RBIS: variants seen among roughly 807,000 people sequenced by gnomAD.
RBIS encodes the protein ribosomal biogenesis factor, also known as ribosome biogenesis factor identified in screen.
In RBIS, 9 loss-of-function variants were observed where a neutral mutation model predicts 9.8. The observed-to-expected ratio is 0.92, with a 90% CI of 0.56 to 1.61. RBIS has a LOEUF of 1.61. Among genes scored for constraint, RBIS ranks in the 40% most tolerant of loss-of-function variants. RBIS has a pLI of 0.00. For synonymous variants in RBIS, 35 were observed against 37.9 expected (o/e 0.92, Z 0.28); for missense variants, 103 against 116.0 (o/e 0.89, Z 0.51).
In RBIS at chr8:85,217,508, A is replaced by G; in HGVS notation, c.-3-6T>C. 2 of 1,553,230 alleles carry G rather than the reference A, an allele frequency of 1.3e-6. No individual in the cohort carries two copies. Among genetic ancestry groups the G allele is most frequent in the Non-Finnish European group, 1.8e-6 (2 of 1,128,278 alleles). On this transcript the variant is annotated splice_polypyrimidine_tract_variant and splice_region_variant and intron_variant, in intron 1 of 3. Coordinates refer to ENST00000619594, the MANE Select transcript of RBIS (RefSeq NM_001099673.3). ...AATTTGTTCTTGGCCATTGTCTAGA[A>G]AAGAAAATAAATTCAATTAAATTGC...
Position 85,214,952 on chromosome 8 carries a change from C to CT in RBIS, c.199dup (p.Ser67LysfsTer5). ...TTTCTGCAGAGGTTCAAGTGAAATG[C>CT]TTTTTGCGAAATGTGCAAGTTCCTT... On this transcript the variant is annotated frameshift_variant, in exon 3 of 4. Coordinates refer to ENST00000619594, the MANE Select transcript of RBIS (RefSeq NM_001099673.3). LOFTEE classifies it high-confidence loss of function. The CT allele has an allele frequency of 6.3e-7, 1 of 1,592,334 alleles. No homozygotes were observed. The highest frequency in any genetic ancestry group is 1.2e-5 in the South Asian group (1 of 86,462).
chr8:85,216,604 G>C (rs950862919), intron 2 of RBIS, among the ~76,000 whole-genome samples: 1 of 152,058 alleles, frequency 6.6e-6, no homozygotes, highest in Non-Finnish European at 1.5e-5. Context: ...TCTAGTCTTG[G>C]TTTCAATGTG....
At chr8:85,217,225 CTTTT>C (rs557468768) in intron 2 of RBIS, 157 bp downstream of exon 2, 191 of 654,884 alleles carry the variant, frequency 2.9e-4, no homozygotes, top group Non-Finnish European at 4.7e-4. Flanking sequence ...ATTTTTCTTC[CTTTT>C]TTTTTATATT....
At chr8:85,217,574 G>A in intron 1 of RBIS, 72 bp from the exon 2 acceptor site, 1 of 945,880 alleles carries the variant, frequency 1.1e-6, no homozygotes, top group Non-Finnish European at 1.7e-6. Flanking sequence ...GTTTTTAAAG[G>A]TACCAATTAA....
At position 85,214,265 on chromosome 8, in the gene RBIS, C is replaced by T. The variant is rs977570772; in HGVS notation, c.*295G>A. 3.6e-6 allele frequency: 2 copies of T among 562,558 alleles called. No homozygotes were observed. Among genetic ancestry groups the T allele is most frequent in the Non-Finnish European group, 6.6e-6 (2 of 302,442 alleles). The allele number at this position is 562,558 out of a possible 1,614,324, so 34.8% of individuals were successfully genotyped here. ...CTAAACTGCCTGTATTTCTGTATGT[C>T]CTTCTATCCAAACAGACGTTCACTG... On this transcript the variant is annotated 3_prime_UTR_variant, in exon 4 of 4. Coordinates refer to ENST00000619594, the MANE Select transcript of RBIS (RefSeq NM_001099673.3).
chr8:85,217,577 C>T, intron 1 of RBIS, 75 bp from the exon 2 acceptor site: 1 of 890,382 alleles, frequency 1.1e-6, no homozygotes, highest in South Asian at 1.5e-5. Flanking sequence ...TTTAAAGGTA[C>T]CAATTAAATC....
intron 3 of RBIS, 49 bp from the exon 4 acceptor site, chr8:85,214,680 C>T (rs1246785124): frequency 3.5e-6 from 4 of 1,134,308 alleles, no homozygotes; most frequent in South Asian, 2.5e-5. Flanking sequence ...CAATAGCAGA[C>T]AAATGACTTA....
chr8:85,214,637 AG>A lies in RBIS; in HGVS notation c.232-7del. ...TCATGACGCTGCTGAGGAATCTGAA[AG>A]GAGAAAGTATTATATTTAAAAACAC... On this transcript the variant is annotated splice_region_variant and splice_polypyrimidine_tract_variant and intron_variant, in intron 3 of 3. Transcript: ENST00000619594. The A allele has an allele frequency of 6.6e-7, 1 of 1,507,300 alleles. No individual in the cohort carries two copies. The highest frequency in any genetic ancestry group is 9.2e-7 in the Non-Finnish European group (1 of 1,083,836). 93.4% of individuals were successfully genotyped at this position (1,507,300 alleles called of 1,614,324 possible).
At chr8:85,220,119 C>G (rs1395636240) in intron 1 of RBIS, among the ~76,000 whole-genome samples, 187 bp downstream of exon 1, 1 of 152,084 alleles carries the variant, frequency 6.6e-6, no homozygotes, top group Non-Finnish European at 1.5e-5. Flanking sequence ...AAACTGGGAC[C>G]CCGTCAGGAG....
rs1364829391 is a variant in RBIS, at chr8:85,214,178, C to G, written c.*382G>C. The G allele has an allele frequency of 5.6e-6, 3 of 536,590 alleles. No individual in the cohort carries two copies. Among genetic ancestry groups the G allele is most frequent in the Non-Finnish European group, 1.1e-5 (3 of 280,758 alleles). 33.2% of individuals were successfully genotyped at this position (536,590 alleles called of 1,614,324 possible). On this transcript the variant is annotated 3_prime_UTR_variant, in exon 4 of 4. Transcript: ENST00000619594. ...TCTTAAGGAGGAAAGTTAAAGGACA[C>G]TACAGGTCATCAAAAACAAGTTGGC...
At chr8:85,216,814 T>G (rs1813170153) in intron 2 of RBIS, 1 of 153,788 alleles carries the variant, frequency 6.5e-6, no homozygotes. Flanking sequence ...GCTGACTCCA[T>G]CTACTACTGA....
intron 1 of RBIS, chr8:85,219,266 T>C (rs188735798): frequency 7.7e-4 from 118 of 152,362 alleles, no homozygotes; most frequent in African/African-American, 2.8e-3. Context: ...GACTGAAATT[T>C]ATATCTTCCT....
At chr8:85,219,074 G>A (rs370332598) in intron 1 of RBIS, 3 of 152,352 alleles carry the variant, frequency 2.0e-5, no homozygotes, top group East Asian at 1.9e-4. Flanking sequence ...TTTTCCCAAT[G>A]TATAAGGGGC....
chr8:85,220,116 G>C (rs1329867108), intron 1 of RBIS, among the ~76,000 whole-genome samples, 190 bp downstream of exon 1: 1 of 152,096 alleles, frequency 6.6e-6, no homozygotes, highest in Non-Finnish European at 1.5e-5. Context: ...CCAAAACTGG[G>C]ACCCCGTCAG....
intron 1 of RBIS, among the ~76,000 whole-genome samples, chr8:85,219,960 A>G (rs1238164132): frequency 1.3e-5 from 2 of 152,330 alleles, no homozygotes; most frequent in South Asian, 2.1e-4. Context: ...CACATGGACC[A>G]TGAACAGACA....
chr8:85,214,831 C>T (rs1394232580), intron 3 of RBIS, 90 bp downstream of exon 3: 4 of 791,136 alleles, frequency 5.1e-6, no homozygotes, highest in Non-Finnish European at 8.4e-6. Context: ...CTAAAAATTA[C>T]ACTCAACTTA....
intron 3 of RBIS, 141 bp downstream of exon 3, chr8:85,214,780 T>C: frequency 1.4e-6 from 1 of 735,042 alleles, no homozygotes; most frequent in Admixed American, 2.6e-5. Context: ...AGTCTGAATA[T>C]GCTATTTATA....
At chr8:85,215,317 G>T (rs1173572778) in intron 2 of RBIS, 1 of 164,918 alleles carries the variant, frequency 6.1e-6, no homozygotes, top group Non-Finnish European at 1.3e-5. Context: ...ATATATATTT[G>T]GTCTTTGTCC....
rs183406259 is a variant in RBIS at position 85,214,294 on chromosome 8, C to T, written c.*266G>A. On this transcript the variant is annotated 3_prime_UTR_variant, in exon 4 of 4. Coordinates refer to ENST00000619594, the MANE Select transcript of RBIS (RefSeq NM_001099673.3). ...CTATCCAAACAGACGTTCACTGCCA[C>T]TTGTAAAGTGAAGGATGTAAACGAG... 29 of 578,450 alleles carry T rather than the reference C, an allele frequency of 5.0e-5. 2 individuals are homozygous for T. In the East Asian group the frequency reaches 1.0e-3, roughly 20 times the overall value. 35.8% of individuals were successfully genotyped at this position (578,450 alleles called of 1,614,324 possible). A position where few individuals can be genotyped will look rare whatever the true frequency, so the allele number is the denominator to read the frequency against.
Sources: gnomAD v4.1 joint callset for allele counts (sites outside exome capture counted in the v4.1 genomes callset) on GRCh38, gnomAD v4.1.1 for gene constraint, MANE v1.5 for transcripts, NCBI Gene and HGNC (gene_info 2026-07-23, HGNC 2026-07-21) for gene names.